Variants in CNOT10 observed in about 807,000 individuals in gnomAD.
CNOT10 encodes the protein CCR4-NOT transcription complex subunit 10.
CNOT10 carries 30 observed loss-of-function variants against 94.6 expected under a neutral mutation model. The observed-to-expected ratio is 0.32, with a 90% CI of 0.24 to 0.43. The LOEUF (loss-of-function observed/expected upper bound fraction) is 0.43. CNOT10 is among the 20% of genes least tolerant of loss of function. CNOT10 has a pLI of 1.00. For synonymous variants in CNOT10, 289 were observed against 301.6 expected (o/e 0.96, Z 0.43); for missense variants, 759 against 877.2 (o/e 0.87, Z 1.70).
chr3:32,746,635 G>T (rs1380473446), intron 13 of CNOT10, among the ~76,000 whole-genome samples: 1 of 152,080 alleles, frequency 6.6e-6, no homozygotes, highest in African/African-American at 2.4e-5. Context: ...AGGAGATTGA[G>T]ACCATCCTGG....
chr3:32,689,669 C>T (rs866980472), intron 1 of CNOT10, among the ~76,000 whole-genome samples: 39 of 152,260 alleles, frequency 2.6e-4, no homozygotes, highest in African/African-American at 9.1e-4. Flanking sequence ...ACAAGAGACA[C>T]TCAACACATA....
intron 17 of CNOT10, 87 bp from the exon 18 acceptor site, chr3:32,769,800 T>G: frequency 9.7e-7 from 1 of 1,027,728 alleles, no homozygotes; most frequent in South Asian, 1.3e-5. Context: ...TTGAATAAGT[T>G]TGTTACCTTG....
intron 13 of CNOT10, among the ~76,000 whole-genome samples, chr3:32,747,574 C>G (rs1488684672): frequency 6.6e-6 from 1 of 151,058 alleles, no homozygotes; most frequent in Non-Finnish European, 1.5e-5. Flanking sequence ...ACAAAAAAAT[C>G]TGTACCACAA....
At chr3:32,717,064 T>C in intron 6 of CNOT10, 90 bp from the exon 7 acceptor site, 1 of 683,682 alleles carries the variant, frequency 1.5e-6, no homozygotes, top group Non-Finnish European at 2.5e-6. Context: ...TGTAACTATG[T>C]TGTAAATAGA....
intron 10 of CNOT10, among the ~76,000 whole-genome samples, chr3:32,728,229 T>C (rs1177256607): frequency 6.6e-6 from 1 of 151,996 alleles, no homozygotes; most frequent in African/African-American, 2.4e-5. Context: ...CTCCCGACCT[T>C]ATGTGATCTA....
intron 18 of CNOT10, among the ~76,000 whole-genome samples, chr3:32,770,708 T>C (rs1700866800): frequency 6.6e-6 from 1 of 150,494 alleles, no homozygotes; most frequent in African/African-American, 2.4e-5. Flanking sequence ...TCAAATTCTT[T>C]TTTTTTTTTC....
intron 13 of CNOT10, among the ~76,000 whole-genome samples, chr3:32,747,512 T>A (rs1212955155): frequency 6.6e-6 from 1 of 152,172 alleles, no homozygotes; most frequent in Non-Finnish European, 1.5e-5. Context: ...TAGAAAAATT[T>A]AAATTACATT....
chr3:32,696,658 G>A (rs1223070067), intron 1 of CNOT10, among the ~76,000 whole-genome samples: 1 of 152,062 alleles, frequency 6.6e-6, no homozygotes, highest in Non-Finnish European at 1.5e-5. Flanking sequence ...GAGTGCAGTG[G>A]CACAATCTCA....
chr3:32,738,785 G>A (rs75585988), intron 13 of CNOT10, among the ~76,000 whole-genome samples: 5,969 of 151,594 alleles, frequency 0.039, 185 homozygotes, highest in African/African-American at 0.079. Flanking sequence ...ATCTCAGTTT[G>A]GTTAAGTTTT....
chr3:32,706,784 T>C (rs1215094533), intron 3 of CNOT10, among the ~76,000 whole-genome samples: 1 of 152,170 alleles, frequency 6.6e-6, no homozygotes, highest in Non-Finnish European at 1.5e-5. Context: ...GGAAATTGAG[T>C]TTTCACTGTT....
chr3:32,764,143 C>T (rs1157537452), intron 15 of CNOT10: 2 of 251,810 alleles, frequency 7.9e-6, no homozygotes, highest in South Asian at 2.4e-4. Flanking sequence ...AAAAAACCAG[C>T]CTGACCAACA....
chr3:32,701,885 C>T (rs565959135), intron 1 of CNOT10, among the ~76,000 whole-genome samples: 10 of 152,200 alleles, frequency 6.6e-5, no homozygotes, highest in South Asian at 2.1e-4. Flanking sequence ...TTCTGCCTCC[C>T]GGGTTCACGC....
At chr3:32,740,913 C>G (rs1699435601) in intron 13 of CNOT10, among the ~76,000 whole-genome samples, 1 of 151,802 alleles carries the variant, frequency 6.6e-6, no homozygotes, top group Non-Finnish European at 1.5e-5. Context: ...GATGTCCTGC[C>G]CAAGCTGATC....
intron 7 of CNOT10, among the ~76,000 whole-genome samples, chr3:32,719,333 T>C (rs1575235039): frequency 6.6e-6 from 1 of 152,288 alleles, no homozygotes; most frequent in Non-Finnish European, 1.5e-5. Flanking sequence ...GGCAGGAGAA[T>C]TGTTTGAACC....
intron 1 of CNOT10, among the ~76,000 whole-genome samples, chr3:32,688,605 A>AT (rs1409331713): frequency 5.9e-5 from 9 of 151,928 alleles, no homozygotes; most frequent in African/African-American, 2.2e-4. Context: ...TCAAAAAAAA[A>AT]AATAATACTC....
In CNOT10 at chr3:32,731,029, G is replaced by T. The variant is rs571813426; in HGVS notation, c.1216-2394G>T. The stretch of plus-strand genomic sequence containing the variant: ...TTGCATCTTCGTATCTAGCCATTTG[G>T]ATCAGTTTTCATGGCCTTAGCAATA... On this transcript the variant is annotated intron_variant, in intron 10 of 18. Transcript: ENST00000328834. 5 of 152,242 alleles carry T rather than the reference G, an allele frequency of 3.3e-5. No homozygotes were observed. In the East Asian group the frequency reaches 9.6e-4, roughly 29 times the overall value. The allele number at this position is 152,242 out of a possible 1,614,324, so 9.4% of individuals were successfully genotyped here. A position where few individuals can be genotyped will look rare whatever the true frequency, so the allele number is the denominator to read the frequency against.
Position 32,769,960 on chromosome 3 carries a change from A to G in CNOT10, c.2078A>G (p.Asn693Ser). ...ILLAVYLELQ[N>S]GNTQLALQII... ...CTGGCAGTCTACCTTGAACTGCAGA[A>G]TGGTGAGTAATTCTCTCTGTTTAGG... is the stretch of plus-strand genomic sequence containing the variant. Residue 693 changes from asparagine (N) to serine (S), a missense_variant and splice_region_variant, in exon 18 of 19, where the codon AAT becomes AGT. Asn to Ser is a conservative substitution (Grantham distance 46). Coordinates refer to ENST00000328834, the MANE Select transcript of CNOT10 (RefSeq NM_015442.3). 6.2e-7 allele frequency: 1 copy of G among 1,609,728 alleles called. No homozygotes were observed. Among genetic ancestry groups the G allele is most frequent in the African/African-American group, 1.3e-5 (1 of 74,970 alleles).
At chr3:32,711,570 G>A (rs1697891720) in intron 4 of CNOT10, among the ~76,000 whole-genome samples, 1 of 152,164 alleles carries the variant, frequency 6.6e-6, no homozygotes, top group Non-Finnish European at 1.5e-5. Context: ...GAGTGAGAAT[G>A]TAGAGATTGA....
At chr3:32,756,224 C>CTTAA (rs1700218857) in intron 13 of CNOT10, among the ~76,000 whole-genome samples, 1 of 152,146 alleles carries the variant, frequency 6.6e-6, no homozygotes. Context: ...ATGAAACTTG[C>CTTAA]TTAATCCTGA....
Sources: gnomAD v4.1 joint callset for allele counts (sites outside exome capture counted in the v4.1 genomes callset) on GRCh38, gnomAD v4.1.1 for gene constraint, MANE v1.5 for transcripts, NCBI Gene and HGNC (gene_info 2026-07-23, HGNC 2026-07-21) for gene names.